RNF135: variants seen among roughly 807,000 people sequenced by gnomAD.
The protein encoded by RNF135 is E3 ubiquitin-protein ligase RNF135.
Under a neutral mutation model 41.9 loss-of-function variants are expected in RNF135, and 46 were observed. That is an observed-to-expected ratio of 1.10 (90% CI 0.87 to 1.40). The LOEUF (loss-of-function observed/expected upper bound fraction) is 1.40. Among genes scored for constraint, RNF135 ranks in the 40% most tolerant of loss-of-function variants. RNF135 has a pLI of 0.00. For synonymous variants in RNF135, 238 were observed against 223.8 expected (o/e 1.06, Z -0.57); for missense variants, 539 against 549.8 (o/e 0.98, Z 0.20).
At position 30,999,029 on chromosome 17, in the gene RNF135, G is replaced by A; in HGVS notation, c.1137G>A (p.Trp379Ter). 6.2e-7 allele frequency: 1 copy of A among 1,614,168 alleles called. No individual in the cohort carries two copies. The highest frequency in any genetic ancestry group is 8.5e-7 in the Non-Finnish European group (1 of 1,180,028). ...GSDRPGVVGIWLNLEEGKLAF... is the reference protein window; with the variant it reads ...GSDRPGVVGI ...ACAGACCTGGGGTGGTGGGCATCTG[G>A]CTGAACCTTGAGGAGGGAAAGCTTG... is the stretch of plus-strand genomic sequence containing the variant. The change falls in exon 5 of 5, where the codon TGG (tryptophan) becomes TGA (stop). Residue 379 changes from tryptophan (W) to a stop codon, truncating the protein, a stop_gained. Coordinates refer to ENST00000328381, the MANE Select transcript of RNF135 (RefSeq NM_032322.4). LOFTEE classifies it high-confidence loss of function.
intron 1 of RNF135, among the ~76,000 whole-genome samples, chr17:30,977,586 C>G (rs1331035107): frequency 6.6e-6 from 1 of 152,106 alleles, no homozygotes; most frequent in Non-Finnish European, 1.5e-5. Flanking sequence ...GTTGTCCAGG[C>G]TGGTCTTGAA....
At chr17:30,976,060 C>T (rs1029208191) in intron 1 of RNF135, 9 of 227,264 alleles carry the variant, frequency 4.0e-5, no homozygotes, top group African/African-American at 1.6e-4. Context: ...GACTGGAGTG[C>T]GGTGGCGTGA....
chr17:30,984,421 G>T (rs1567743966), intron 1 of RNF135, among the ~76,000 whole-genome samples, 196 bp from the exon 2 acceptor site: 1 of 152,126 alleles, frequency 6.6e-6, no homozygotes, highest in Non-Finnish European at 1.5e-5. Flanking sequence ...TTTCTCCATT[G>T]AATGGTCTTG....
At chr17:30,988,754 T>C (rs1237804876) in intron 3 of RNF135, among the ~76,000 whole-genome samples, 5 of 146,030 alleles carry the variant, frequency 3.4e-5, no homozygotes, top group Non-Finnish European at 6.0e-5. Flanking sequence ...AATGTCTTCT[T>C]CTTTTTTTTT....
At chr17:30,986,137 A>G (rs1337179749) in intron 2 of RNF135, among the ~76,000 whole-genome samples, 5 of 151,772 alleles carry the variant, frequency 3.3e-5, no homozygotes, top group Non-Finnish European at 7.4e-5. Flanking sequence ...GTCTTGTGCC[A>G]TACTCTATAT....
At chr17:30,960,145 G>A in the RNF135 span, among the ~76,000 whole-genome samples, 1 of 152,018 alleles carries the variant, frequency 6.6e-6, no homozygotes, top group Non-Finnish European at 1.5e-5. Flanking sequence ...TATAATCCTA[G>A]CACTTTGGGA....
intron 1 of RNF135, chr17:30,972,210 C>A (rs887505443): frequency 6.6e-6 from 1 of 152,186 alleles, no homozygotes; most frequent in Non-Finnish European, 1.5e-5. Flanking sequence ...CATTCTCCTG[C>A]CTCAGCCTCC....
At chr17:30,962,268 G>A in the RNF135 span, among the ~76,000 whole-genome samples, 1 of 151,886 alleles carries the variant, frequency 6.6e-6, no homozygotes, top group Admixed American at 6.6e-5. Flanking sequence ...AAGTAGCTGG[G>A]ATTACAGGCA....
the RNF135 span, among the ~76,000 whole-genome samples, chr17:30,961,440 C>G: frequency 5.9e-5 from 9 of 151,938 alleles, no homozygotes; most frequent in African/African-American, 2.2e-4. Context: ...CACCTCCCCT[C>G]CCCTCCTCTC....
At chr17:30,979,513 C>T (rs1327596214) in intron 1 of RNF135, among the ~76,000 whole-genome samples, 1 of 75,452 alleles carries the variant, frequency 1.3e-5, no homozygotes, top group African/African-American at 4.1e-5. Context: ...ACCTCCCTCC[C>T]GGACGGGGCA....
chr17:30,988,065 A>T lies in RNF135; in HGVS notation c.638A>T (p.Glu213Val), dbSNP rs748694451. 8.7e-6 allele frequency: 14 copies of T among 1,614,146 alleles called. No individual in the cohort carries two copies. The highest frequency in any genetic ancestry group is 1.1e-5 in the Non-Finnish European group (13 of 1,180,004). ...GAAGAAATTCAGGAAAAATTACAAG[A>T]AAGCGTCACCTGGAAAGAGGCTCCT... ...DLEEIQEKLQ[E>V]SVTWKEAPEA... The change falls in exon 3 of 5, where the codon GAA (glutamate) becomes GTA (valine). Residue 213 changes from glutamate to valine, a missense_variant. Around this residue, in one of 2 missense-constraint regions of RNF135, gnomAD observed 262 missense variants for 336.9 expected, o/e 0.78. Transcript: ENST00000328381.
chr17:30,985,441 C>G (rs144057993), intron 2 of RNF135, among the ~76,000 whole-genome samples: 1 of 152,288 alleles, frequency 6.6e-6, no homozygotes, highest in African/African-American at 2.4e-5. Context: ...CAATGCTTGC[C>G]CCATTATCTT....
At chr17:30,974,200 T>A (rs2142661824) in intron 1 of RNF135, among the ~76,000 whole-genome samples, 1 of 152,336 alleles carries the variant, frequency 6.6e-6, no homozygotes, top group Admixed American at 6.5e-5. Flanking sequence ...TGAGACTCTG[T>A]CTCAAAATAA....
upstream of RNF135, chr17:30,970,937 G>C (rs1905837415): frequency 1.6e-6 from 2 of 1,213,794 alleles, no homozygotes; most frequent in East Asian, 2.6e-5. Flanking sequence ...GGAAGGAGAC[G>C]GGGTGGCGCC....
intron 2 of RNF135, 123 bp downstream of exon 2, chr17:30,984,883 T>C: frequency 8.8e-7 from 1 of 1,131,982 alleles, no homozygotes; most frequent in Non-Finnish European, 1.3e-6. Context: ...TTTATTGTTC[T>C]CTTTACTACC....
chr17:30,980,445 G>A (rs1197074321), intron 1 of RNF135, among the ~76,000 whole-genome samples: 5 of 142,328 alleles, frequency 3.5e-5, no homozygotes, highest in Non-Finnish European at 4.7e-5. Context: ...CAGTAGGGGC[G>A]GCCGGGCAGA....
intron 1 of RNF135, chr17:30,972,758 G>A (rs769283881): frequency 6.6e-6 from 1 of 152,148 alleles, no homozygotes; most frequent in African/African-American, 2.4e-5. Flanking sequence ...TATTCCATTG[G>A]GTGGATGTGC....
At chr17:30,973,582 C>T (rs1235117621) in intron 1 of RNF135, among the ~76,000 whole-genome samples, 4 of 152,112 alleles carry the variant, frequency 2.6e-5, no homozygotes, top group Non-Finnish European at 5.9e-5. Context: ...ATTCTCCTGC[C>T]TCAGCCTCCA....
chr17:30,979,408 A>C (rs1310308226), intron 1 of RNF135, among the ~76,000 whole-genome samples: 2 of 83,336 alleles, frequency 2.4e-5, no homozygotes, highest in East Asian at 4.4e-4. Flanking sequence ...CTGGCCGGGC[A>C]GAGGGGTCCT....
Sources: allele counts gnomAD v4.1 joint callset (sites outside exome capture counted in the v4.1 genomes callset), GRCh38; gene constraint gnomAD v4.1.1; regional missense constraint gnomAD v4.1.1; transcripts MANE v1.5; gene names NCBI Gene and HGNC (gene_info 2026-07-23, HGNC 2026-07-21).